Variants in PTPN4 observed in about 807,000 individuals in gnomAD.
PTPN4 encodes the protein protein tyrosine phosphatase non-receptor type 4, also known as tyrosine-protein phosphatase non-receptor type 4.
A neutral mutation model predicts 135.5 loss-of-function variants in PTPN4; 49 were observed. That is an observed-to-expected ratio of 0.36 (90% CI 0.29 to 0.46). The LOEUF is 0.46. Among genes scored for constraint, PTPN4 ranks in the 20% least tolerant of loss-of-function variants. The pLI is 1.00. For missense variants in PTPN4, 860 were observed against 1,101.0 expected (o/e 0.78, Z 3.10); for synonymous variants, 333 against 369.9 (o/e 0.90, Z 1.14).
Position 119,846,466 on chromosome 2 carries a change from G to A in PTPN4, c.139-16070G>A, listed in dbSNP as rs138929775. Among the ~76,000 whole-genome samples the A allele has an allele frequency of 7.8e-4, 118 of 151,878 alleles. No individual in the cohort carries two copies. The East Asian group carries it at 0.019, about 25-fold the overall frequency. ...ATAGCTGTTCCACCTTCCTTACGGT[G>A]TAACTTTTTAAATCCTTTACTTATT... On this transcript the variant is annotated intron_variant, in intron 2 of 26. Coordinates refer to ENST00000263708, the MANE Select transcript of PTPN4 (RefSeq NM_002830.4).
intron 3 of PTPN4, among the ~76,000 whole-genome samples, chr2:119,863,315 A>C (rs1237101954): frequency 6.6e-6 from 1 of 152,134 alleles, no homozygotes; most frequent in Non-Finnish European, 1.5e-5. Flanking sequence ...GATAAAGGGT[A>C]TACAAGCAAA....
intron 2 of PTPN4, among the ~76,000 whole-genome samples, chr2:119,835,330 G>A (rs189292027): frequency 3.0e-4 from 46 of 152,148 alleles, no homozygotes; most frequent in Middle Eastern, 3.4e-3. Context: ...GATTAGAGGC[G>A]TCTGCCACCG....
At chr2:119,786,455 T>C (rs918900718) in intron 1 of PTPN4, among the ~76,000 whole-genome samples, 2 of 152,198 alleles carry the variant, frequency 1.3e-5, no homozygotes, top group Non-Finnish European at 2.9e-5. Context: ...ACTTTTCTCT[T>C]TTCATTGCAG....
At chr2:119,917,871 AT>A (rs1263155334) in intron 11 of PTPN4, among the ~76,000 whole-genome samples, 6 of 152,142 alleles carry the variant, frequency 3.9e-5, no homozygotes, top group Admixed American at 1.3e-4. Context: ...CTCAGTACAA[AT>A]TTTTTTGTGT....
chr2:119,933,355 C>A (rs1026032040), intron 14 of PTPN4, among the ~76,000 whole-genome samples: 1 of 152,044 alleles, frequency 6.6e-6, no homozygotes. Context: ...AAATGTTTTA[C>A]ACACATTAAT....
chr2:119,800,880 G>A (rs1194994684), intron 1 of PTPN4, among the ~76,000 whole-genome samples: 1 of 151,344 alleles, frequency 6.6e-6, no homozygotes, highest in Non-Finnish European at 1.5e-5. Flanking sequence ...CTGTACTTGT[G>A]TGGTAATTCT....
At chr2:119,783,224 C>T (rs1388081861) in intron 1 of PTPN4, among the ~76,000 whole-genome samples, 1 of 152,046 alleles carries the variant, frequency 6.6e-6, no homozygotes, top group Non-Finnish European at 1.5e-5. Context: ...AGGAAGCTAT[C>T]GGGAAAGGTT....
chr2:119,935,096 T>C (rs1678962732), intron 15 of PTPN4, 138 bp downstream of exon 15: 1 of 1,010,390 alleles, frequency 9.9e-7, no homozygotes, highest in Middle Eastern at 3.2e-4. Context: ...TTTGCAATTA[T>C]GCTCATTTGT....
In PTPN4 at chr2:119,938,254, A is replaced by G. The variant is rs1203503898; in HGVS notation, c.1355+3296A>G. Among the ~76,000 whole-genome samples the G allele has an allele frequency of 3.3e-5, 5 of 150,996 alleles. No homozygotes were observed. In the South Asian group the frequency reaches 8.4e-4, roughly 25 times the overall value. On this transcript the variant is annotated intron_variant, in intron 15 of 26. Coordinates refer to ENST00000263708, the MANE Select transcript of PTPN4 (RefSeq NM_002830.4). Reference sequence around the variant, plus strand: ...GCCATTCTCCTGCCTTAGCCTCCCGAGTAGCTGGGACTACAGGCGCCCGTC... The same window carrying G: ...GCCATTCTCCTGCCTTAGCCTCCCGGGTAGCTGGGACTACAGGCGCCCGTC...
chr2:119,843,242 C>A, intron 2 of PTPN4, among the ~76,000 whole-genome samples: 1 of 130,440 alleles, frequency 7.7e-6, no homozygotes, highest in Non-Finnish European at 1.6e-5. Flanking sequence ...TTTTTTTGCA[C>A]CGCCCTTAAT....
At chr2:119,963,743 T>C (rs917738337) in intron 24 of PTPN4, among the ~76,000 whole-genome samples, 3 of 152,238 alleles carry the variant, frequency 2.0e-5, no homozygotes, top group Non-Finnish European at 4.4e-5. Flanking sequence ...TGGGGACATA[T>C]ACTGTGTAGC....
chr2:119,777,744 T>C (rs944061268), intron 1 of PTPN4, among the ~76,000 whole-genome samples: 3 of 152,154 alleles, frequency 2.0e-5, no homozygotes, highest in Non-Finnish European at 4.4e-5. Flanking sequence ...GGTCTCAACC[T>C]CCTAGCCTCA....
At position 119,882,116 on chromosome 2, in the gene PTPN4, A is replaced by G. The variant is rs1439205217; in HGVS notation, c.433A>G (p.Thr145Ala). ...TATTAGATTACCCTGTCCTTCTAAT[A>G]CTGCTGCCCTTTTAGCTTCATTTGC... Reference protein sequence around the residue: ...LTGRLPCPSNTAALLASFAVQ... With the variant: ...LTGRLPCPSNAAALLASFAVQ... Residue 145 changes from threonine (T) to alanine (A), a missense_variant, in exon 7 of 27, where the codon ACT becomes GCT. Thr to Ala is a moderately conservative substitution (Grantham distance 58). Around this residue, in one of 2 missense-constraint regions of PTPN4, gnomAD observed 684 missense variants for 807.0 expected, o/e 0.85. Transcript: ENST00000263708. The G allele has an allele frequency of 6.2e-7, 1 of 1,610,176 alleles. No homozygotes were observed. The highest frequency in any genetic ancestry group is 8.5e-7 in the Non-Finnish European group (1 of 1,176,648).
chr2:119,905,413 A>G (rs1006044473), intron 10 of PTPN4, among the ~76,000 whole-genome samples: 1 of 152,260 alleles, frequency 6.6e-6, no homozygotes, highest in Non-Finnish European at 1.5e-5. Context: ...AAAGGGATCA[A>G]TTCAGCGAAA....
chr2:119,857,258 C>T (rs750353529), intron 2 of PTPN4, among the ~76,000 whole-genome samples: 15 of 151,966 alleles, frequency 9.9e-5, no homozygotes, highest in Admixed American at 2.6e-4. Flanking sequence ...GTGCAGGGCA[C>T]GGTGGCTCAT....
At chr2:119,813,415 T>C (rs1452196338) in intron 2 of PTPN4, among the ~76,000 whole-genome samples, 1 of 151,974 alleles carries the variant, frequency 6.6e-6, no homozygotes, top group African/African-American at 2.4e-5. Context: ...GCCTGGTTAA[T>C]TTTGTGTTTT....
At chr2:119,954,602 TGA>T (rs758449631) in intron 19 of PTPN4, among the ~76,000 whole-genome samples, 5 of 152,160 alleles carry the variant, frequency 3.3e-5, no homozygotes, top group Non-Finnish European at 7.4e-5. Flanking sequence ...AAAATGGGAC[TGA>T]GAGTGGGTAA....
intron 1 of PTPN4, among the ~76,000 whole-genome samples, chr2:119,781,003 A>T (rs1216554673): frequency 1.3e-5 from 2 of 151,998 alleles, no homozygotes; most frequent in African/African-American, 4.8e-5. Context: ...CATTAGCATC[A>T]CTCTGGACTT....
chr2:119,880,440 C>CT (rs991097806), intron 5 of PTPN4, among the ~76,000 whole-genome samples: 3 of 136,384 alleles, frequency 2.2e-5, no homozygotes, highest in Non-Finnish European at 4.8e-5. Flanking sequence ...TTTTTTTTTT[C>CT]TTTTTTTGAG....
Sources: allele counts gnomAD v4.1 joint callset (sites outside exome capture counted in the v4.1 genomes callset), GRCh38; gene constraint gnomAD v4.1.1; regional missense constraint gnomAD v4.1.1; transcripts MANE v1.5; gene names NCBI Gene and HGNC (gene_info 2026-07-23, HGNC 2026-07-21).